Variants in DLGAP2 observed in about 807,000 individuals in gnomAD.
The protein encoded by DLGAP2 is disks large-associated protein 2.
A neutral mutation model predicts 100.3 loss-of-function variants in DLGAP2; 26 were observed. The observed-to-expected ratio is 0.26, with a 90% CI of 0.19 to 0.36. DLGAP2 has a LOEUF of 0.36. Among genes scored for constraint, DLGAP2 ranks in the 10% least tolerant of loss-of-function variants. DLGAP2 has a pLI of 1.00. For synonymous variants in DLGAP2, 886 were observed against 630.1 expected (o/e 1.41, Z -6.08); for missense variants, 1,858 against 1,453.2 (o/e 1.28, Z -4.53).
intron 3 of DLGAP2, among the ~76,000 whole-genome samples, chr8:1,474,998 G>A (rs566888826): frequency 2.0e-5 from 3 of 152,284 alleles, no homozygotes; most frequent in African/African-American, 7.2e-5. Flanking sequence ...CATCAAAGGG[G>A]GATTGAATAA....
intron 1 of DLGAP2, among the ~76,000 whole-genome samples, chr8:905,128 C>T (rs1291783950): frequency 6.6e-6 from 1 of 152,090 alleles, no homozygotes; most frequent in Admixed American, 6.5e-5. Flanking sequence ...TGGATTCTAC[C>T]CTGGAAGGTT....
chr8:1,127,124 T>G (rs537183901), intron 2 of DLGAP2, among the ~76,000 whole-genome samples: 2 of 149,148 alleles, frequency 1.3e-5, no homozygotes, highest in Non-Finnish European at 3.0e-5. Flanking sequence ...TCCTTCTGCT[T>G]GTGTTCCTGG....
chr8:1,200,308 T>G (rs1294180754), intron 2 of DLGAP2, among the ~76,000 whole-genome samples: 4 of 152,210 alleles, frequency 2.6e-5, no homozygotes, highest in South Asian at 2.1e-4. Context: ...GTCCTGCGTG[T>G]TCTTTTCTCA....
At chr8:973,952 G>A (rs374047057) in intron 2 of DLGAP2, among the ~76,000 whole-genome samples, 28 of 151,526 alleles carry the variant, frequency 1.8e-4, no homozygotes, top group Admixed American at 5.9e-4. Flanking sequence ...CAAGCTGCGC[G>A]CGCAGACCGG....
At position 760,040 on chromosome 8, in the gene DLGAP2, G is replaced by A. The variant is rs74716135; in HGVS notation, c.18+22215G>A. On this transcript the variant is annotated intron_variant, in intron 1 of 14. Coordinates refer to ENST00000637795, the MANE Select transcript of DLGAP2 (RefSeq NM_001346810.2). ...ATTTTGGTGCTTTTTTGTATAAGCC[G>A]AACATTGCAAATACATCTCTGTGTC... Among the ~76,000 whole-genome samples, 11 of 152,242 alleles carry A rather than the reference G, an allele frequency of 7.2e-5. No homozygotes were observed. The East Asian group carries it at 1.4e-3, about 19-fold the overall frequency.
chr8:1,215,177 A>G (rs1393940063), intron 2 of DLGAP2, among the ~76,000 whole-genome samples: 2 of 152,250 alleles, frequency 1.3e-5, no homozygotes, highest in African/African-American at 2.4e-5. Context: ...GGAGTGTCTC[A>G]TTTTTGGAAA....
intron 3 of DLGAP2, among the ~76,000 whole-genome samples, chr8:1,332,254 G>A (rs1360595642): frequency 1.3e-5 from 2 of 152,162 alleles, no homozygotes; most frequent in East Asian, 3.8e-4. Context: ...GTATATGCAT[G>A]TGTATATGTG....
intron 1 of DLGAP2, among the ~76,000 whole-genome samples, chr8:840,858 G>A (rs1488951623): frequency 2.6e-5 from 4 of 152,226 alleles, no homozygotes; most frequent in African/African-American, 9.6e-5. Flanking sequence ...GCATTCGTCT[G>A]TGTTTTCAGC....
intron 6 of DLGAP2, among the ~76,000 whole-genome samples, chr8:1,603,627 G>A (rs1349658008): frequency 6.6e-6 from 1 of 152,330 alleles, no homozygotes; most frequent in East Asian, 1.9e-4. Flanking sequence ...TTCTGTAGAG[G>A]CTGGTTAGAG....
rs569591584 is a variant in DLGAP2 at position 776,478 on chromosome 8, G to A, written c.18+38653G>A. 2.0e-5 allele frequency among the ~76,000 whole-genome samples: 3 copies of A among 152,246 alleles called. No individual in the cohort carries two copies. In the South Asian group the frequency reaches 6.2e-4, roughly 32 times the overall value. On this transcript the variant is annotated intron_variant, in intron 1 of 14. Transcript: ENST00000637795. Reference sequence around the variant, plus strand: ...TTTTGGATCTTTCCTGCTTTCTCTTGTGGGCATTTAGTGCTATAAATTTAC... The same window carrying A: ...TTTTGGATCTTTCCTGCTTTCTCTTATGGGCATTTAGTGCTATAAATTTAC...
intron 2 of DLGAP2, among the ~76,000 whole-genome samples, chr8:1,172,490 G>T (rs1163733322): frequency 6.6e-6 from 1 of 152,182 alleles, no homozygotes. Flanking sequence ...TTCCAACTTG[G>T]TTCTGTTCTC....
chr8:1,262,050 G>C (rs1399437375), intron 3 of DLGAP2, among the ~76,000 whole-genome samples: 1 of 152,156 alleles, frequency 6.6e-6, no homozygotes, highest in African/African-American at 2.4e-5. Flanking sequence ...CAGTGAAGTG[G>C]GAAACACCTA....
intron 3 of DLGAP2, among the ~76,000 whole-genome samples, chr8:1,312,045 A>G (rs1270772550): frequency 1.3e-5 from 2 of 152,234 alleles, no homozygotes; most frequent in African/African-American, 4.8e-5. Context: ...GAGTGATACC[A>G]TCAATCAACT....
intron 1 of DLGAP2, among the ~76,000 whole-genome samples, chr8:891,087 G>A (rs1054588123): frequency 1.1e-4 from 16 of 152,084 alleles, no homozygotes; most frequent in African/African-American, 3.1e-4. Flanking sequence ...TCCCTTGGGG[G>A]GTGCTTTTCA....
At chr8:1,517,461 T>A (rs1266308393) in intron 4 of DLGAP2, among the ~76,000 whole-genome samples, 1 of 151,930 alleles carries the variant, frequency 6.6e-6, no homozygotes, top group Non-Finnish European at 1.5e-5. Flanking sequence ...CACCCCCTGC[T>A]CCACTGAGAG....
intron 8 of DLGAP2, among the ~76,000 whole-genome samples, chr8:1,651,770 G>A (rs758519816): frequency 6.6e-5 from 10 of 152,174 alleles, no homozygotes; most frequent in East Asian, 1.9e-4. Flanking sequence ...CCTTCTGATC[G>A]TATTTTCCAT....
intron 3 of DLGAP2, among the ~76,000 whole-genome samples, chr8:1,494,535 C>G (rs897040756): frequency 2.0e-5 from 3 of 152,118 alleles, no homozygotes; most frequent in Non-Finnish European, 2.9e-5. Flanking sequence ...TTGAGACAAG[C>G]CTGGCCAACA....
intron 3 of DLGAP2, among the ~76,000 whole-genome samples, chr8:1,483,655 C>T (rs1799162662): frequency 8.0e-5 from 1 of 12,558 alleles, no homozygotes; most frequent in Non-Finnish European, 1.6e-4. Context: ...CTGAGGGCGT[C>T]TACACAGAGC....
At chr8:777,768 C>G (rs1821565802) in intron 1 of DLGAP2, among the ~76,000 whole-genome samples, 1 of 152,174 alleles carries the variant, frequency 6.6e-6, no homozygotes, top group Non-Finnish European at 1.5e-5. Context: ...ACCTTTCTCT[C>G]TGGCTGCCCT....
Sources: gnomAD v4.1 joint callset for allele counts (sites outside exome capture counted in the v4.1 genomes callset) on GRCh38, gnomAD v4.1.1 for gene constraint, MANE v1.5 for transcripts, NCBI Gene and HGNC (gene_info 2026-07-23, HGNC 2026-07-21) for gene names.